The following FRMPD4 variants were observed in gnomAD, a reference collection of about 807,000 sequenced individuals.
The protein encoded by FRMPD4 is FERM and PDZ domain-containing protein 4.
FRMPD4 carries 22 observed loss-of-function variants against 94.1 expected under a neutral mutation model. The observed-to-expected ratio is 0.23, with a 90% confidence interval of 0.17 to 0.33. The LOEUF (loss-of-function observed/expected upper bound fraction) is 0.33. FRMPD4 is among the 10% of genes least tolerant of loss of function. FRMPD4 has a pLI of 1.00. For missense variants in FRMPD4, 1,111 were observed against 1,339.9 expected (o/e 0.83, Z 2.67); for synonymous variants, 631 against 548.6 (o/e 1.15, Z -2.10).
At chrX:12,034,885 A>T (rs1199088858) in intron 3 of FRMPD4, among the ~76,000 whole-genome samples, 1 of 112,319 alleles carries the variant, frequency 8.9e-6, no homozygotes, top group African/African-American at 3.2e-5. Flanking sequence ...TGTTTCCTAC[A>T]GCCTTGTGTG....
chrX:12,500,958 G>A (rs1195231260), intron 2 of FRMPD4, among the ~76,000 whole-genome samples: 2 of 112,215 alleles, frequency 1.8e-5, no homozygotes, highest in African/African-American at 6.5e-5. Context: ...ATGAAGGTAT[G>A]CATCAGACTT....
intron 1 of FRMPD4, among the ~76,000 whole-genome samples, chrX:12,220,070 G>A (rs777934921): frequency 5.4e-5 from 6 of 111,980 alleles, no homozygotes; most frequent in African/African-American, 2.0e-4. Context: ...GAACCCAGGA[G>A]GCGGAGGTTG....
chrX:11,963,112 C>T (rs1389891853), intron 3 of FRMPD4, among the ~76,000 whole-genome samples: 1 of 111,392 alleles, frequency 9.0e-6, no homozygotes. Flanking sequence ...TGAAATAACA[C>T]AAAGGAAAGA....
rs1286180624 is a variant in FRMPD4 at position 11,984,139 on chromosome X, A to G, written c.95+106121A>G. Among the ~76,000 whole-genome samples the G allele has an allele frequency of 3.6e-4, 41 of 112,431 alleles. No individual in the cohort carries two copies. The Admixed American group carries it at 3.9e-3, about 11-fold the overall frequency. ...TTTGATGAGAAGAGTGAGTAGAAGCATTGTCATGTTGCAGAAGGACTCTCC... is the reference window on the plus strand; with the variant it reads ...TTTGATGAGAAGAGTGAGTAGAAGCGTTGTCATGTTGCAGAAGGACTCTCC... On this transcript the variant is annotated intron_variant, in intron 3 of 18. Transcript: ENST00000640291.
At chrX:11,972,034 G>A (rs1224398952) in intron 3 of FRMPD4, among the ~76,000 whole-genome samples, 5 of 111,517 alleles carry the variant, frequency 4.5e-5, no homozygotes, top group Non-Finnish European at 9.4e-5. Context: ...ACAATTCTGA[G>A]GGTAGCTGGC....
intron 3 of FRMPD4, among the ~76,000 whole-genome samples, chrX:11,899,218 A>C (rs757695851): frequency 9.0e-6 from 1 of 111,714 alleles, no homozygotes; most frequent in African/African-American, 3.2e-5. Flanking sequence ...GTGATTGAGA[A>C]TGTATTTGCT....
chrX:12,664,782 C>T (rs1296204190), intron 4 of FRMPD4, among the ~76,000 whole-genome samples: 1 of 111,684 alleles, frequency 9.0e-6, no homozygotes, highest in Non-Finnish European at 1.9e-5. Flanking sequence ...GGAATGGTAC[C>T]AGCTCCTCTT....
At chrX:12,397,907 C>A (rs2148048515) in intron 1 of FRMPD4, among the ~76,000 whole-genome samples, 1 of 111,603 alleles carries the variant, frequency 9.0e-6, no homozygotes, top group African/African-American at 3.3e-5. Context: ...TCCCCAGGAA[C>A]TAGAGCAACA....
intron 1 of FRMPD4, among the ~76,000 whole-genome samples, chrX:11,861,472 A>G (rs1437018303): frequency 8.9e-6 from 1 of 112,007 alleles, no homozygotes; most frequent in Non-Finnish European, 1.9e-5. Context: ...TATGAAATAA[A>G]GAAGGTCATT....
intron 1 of FRMPD4, among the ~76,000 whole-genome samples, chrX:12,213,838 T>C (rs1170205941): frequency 2.7e-5 from 3 of 112,390 alleles, no homozygotes; most frequent in Non-Finnish European, 5.6e-5. Flanking sequence ...TGATTATTTA[T>C]GAAGCTGGAA....
intron 1 of FRMPD4, among the ~76,000 whole-genome samples, chrX:12,411,209 C>A (rs1480511080): frequency 8.9e-6 from 1 of 112,030 alleles, no homozygotes; most frequent in Non-Finnish European, 1.9e-5. Flanking sequence ...ACTTTTCTTG[C>A]TTAGCCTGAG....
At chrX:12,142,619 G>C (rs746110899) in intron 1 of FRMPD4, among the ~76,000 whole-genome samples, 8 of 112,102 alleles carry the variant, frequency 7.1e-5, no homozygotes, top group Non-Finnish European at 1.1e-4. Flanking sequence ...TTTTGTGACT[G>C]TCAGGAGGTG....
chrX:12,032,811 C>A (rs775960266), intron 3 of FRMPD4, among the ~76,000 whole-genome samples: 1 of 111,966 alleles, frequency 8.9e-6, no homozygotes, highest in Non-Finnish European at 1.9e-5. Context: ...AAGATAAAGT[C>A]ATCTGAAAAT....
At chrX:11,888,728 T>C (rs1279767707) in intron 3 of FRMPD4, among the ~76,000 whole-genome samples, 2 of 112,427 alleles carry the variant, frequency 1.8e-5, no homozygotes, top group Non-Finnish European at 3.8e-5. Flanking sequence ...ACAAAAGTTA[T>C]GTTTATACTA....
At chrX:12,474,758 C>A (rs1054985662) in intron 1 of FRMPD4, among the ~76,000 whole-genome samples, 1 of 111,153 alleles carries the variant, frequency 9.0e-6, no homozygotes, top group Admixed American at 9.6e-5. Flanking sequence ...AAGACTAAAC[C>A]AGGAAGAAGT....
intron 2 of FRMPD4, among the ~76,000 whole-genome samples, chrX:12,564,166 C>T (rs1352413636): frequency 8.9e-6 from 1 of 111,812 alleles, no homozygotes; most frequent in East Asian, 2.8e-4. Flanking sequence ...TTTGTGAGGG[C>T]TCCATACTCA....
intron 3 of FRMPD4, among the ~76,000 whole-genome samples, chrX:11,924,884 A>G (rs2054077413): frequency 8.9e-6 from 1 of 111,847 alleles, no homozygotes; most frequent in Admixed American, 9.5e-5. Context: ...TGATGACAGG[A>G]TGGAATCCAC....
intron 2 of FRMPD4, among the ~76,000 whole-genome samples, chrX:12,556,708 C>T (rs1361113832): frequency 1.8e-5 from 2 of 111,871 alleles, no homozygotes; most frequent in Non-Finnish European, 1.9e-5. Flanking sequence ...ATTAGAACCT[C>T]GTTAACTCTC....
intron 3 of FRMPD4, among the ~76,000 whole-genome samples, chrX:12,064,360 G>A (rs1293552613): frequency 8.9e-6 from 1 of 111,876 alleles, no homozygotes; most frequent in Non-Finnish European, 1.9e-5. Flanking sequence ...GGCAGCAGGG[G>A]AAAATTCATG....
Sources: gnomAD v4.1 joint callset for allele counts (sites outside exome capture counted in the v4.1 genomes callset) on GRCh38, gnomAD v4.1.1 for gene constraint, MANE v1.5 for transcripts, NCBI Gene and HGNC (gene_info 2026-07-23, HGNC 2026-07-21) for gene names.